The following ACSS3 variants were observed in gnomAD, a reference collection of about 807,000 sequenced individuals.
The protein encoded by ACSS3 is acyl-CoA synthetase short chain family member 3, also known as acyl-CoA synthetase short-chain family member 3, mitochondrial.
ACSS3 carries 64 observed loss-of-function variants against 84.2 expected under a neutral mutation model. The observed-to-expected ratio is 0.76, with a 90% CI of 0.62 to 0.94. The LOEUF (loss-of-function observed/expected upper bound fraction) is 0.94. Ranked by LOEUF, ACSS3 falls within the 40% of genes least tolerant of loss-of-function variation. The probability of loss-of-function intolerance (pLI) is 0.00; values close to 1 mark genes in which losing one functional copy is unlikely to be tolerated. For synonymous variants in ACSS3, 317 were observed against 310.1 expected (o/e 1.02, Z -0.23); for missense variants, 815 against 867.6 (o/e 0.94, Z 0.76).
At position 81,140,412 on chromosome 12, in the gene ACSS3, T is replaced by A. The variant is rs186999806; in HGVS notation, c.780+1147T>A. On this transcript the variant is annotated intron_variant, in intron 4 of 15. Transcript: ENST00000548058. The stretch of plus-strand genomic sequence containing the variant: ...GATTAAATTTTTTTTTTTGCAGAAG[T>A]GAAATTGCAAGACTGCAAAGAATCA... Among the ~76,000 whole-genome samples, 474 of 152,212 alleles carry A rather than the reference T, an allele frequency of 3.1e-3. 2 individuals carry two copies. Among genetic ancestry groups the A allele is most frequent in the Non-Finnish European group, 4.0e-3 (273 of 68,006 alleles).
intron 9 of ACSS3, 32 bp downstream of exon 9, chr12:81,199,476 T>C (rs761495681): frequency 2.5e-6 from 4 of 1,584,720 alleles, no homozygotes; most frequent in South Asian, 1.1e-5. Context: ...ACATAAATAG[T>C]AAAGAAATGT....
rs1351417294 is a variant in ACSS3 at position 81,255,665 on chromosome 12, C to CA, written c.*748dup. ...TGAAACCCTGTAGCTACTGAAAATA[C>CA]AAAAATAAGCCAGGCGTGGTGGCGG... On this transcript the variant is annotated 3_prime_UTR_variant, in exon 16 of 16. Transcript: ENST00000548058. 4.6e-5 allele frequency: 7 copies of CA among 152,064 alleles called. No individual in the cohort carries two copies. The highest frequency in any genetic ancestry group is 1.9e-4 in the East Asian group (1 of 5,170). 9.4% of individuals were successfully genotyped at this position (152,064 alleles called of 1,614,324 possible).
At chr12:81,135,413 T>TA (rs1191516387) in intron 3 of ACSS3, among the ~76,000 whole-genome samples, 19 of 140,198 alleles carry the variant, frequency 1.4e-4, no homozygotes, top group Non-Finnish European at 2.6e-4. Flanking sequence ...ATACATATAA[T>TA]AATATATAAA....
intron 2 of ACSS3, among the ~76,000 whole-genome samples, chr12:81,134,488 A>G (rs1393911841): frequency 6.6e-6 from 1 of 152,110 alleles, no homozygotes; most frequent in East Asian, 1.9e-4. Flanking sequence ...TCTTTCTTTT[A>G]TCAGTGTTAC....
chr12:81,234,809 T>G (rs1006420352), intron 13 of ACSS3, among the ~76,000 whole-genome samples: 1 of 151,400 alleles, frequency 6.6e-6, no homozygotes, highest in African/African-American at 2.4e-5. Context: ...GTCCTTTATC[T>G]GATATGCAGT....
intron 5 of ACSS3, among the ~76,000 whole-genome samples, chr12:81,144,077 G>A (rs902692663): frequency 3.3e-5 from 5 of 152,226 alleles, no homozygotes; most frequent in Non-Finnish European, 2.9e-5. Flanking sequence ...CTTTATTACT[G>A]TTAGATTGCT....
chr12:81,234,393 T>C (rs1409139659), intron 13 of ACSS3, among the ~76,000 whole-genome samples: 2 of 151,470 alleles, frequency 1.3e-5, no homozygotes, highest in African/African-American at 4.8e-5. Flanking sequence ...AAAAATATTT[T>C]ATTTCTCTAG....
chr12:81,204,716 C>CTT (rs2032270489), intron 9 of ACSS3, among the ~76,000 whole-genome samples: 1 of 152,108 alleles, frequency 6.6e-6, no homozygotes, highest in South Asian at 2.1e-4. Flanking sequence ...TACCTGTGTA[C>CTT]TTACCATCAG....
At chr12:81,172,298 T>C (rs1365424127) in intron 7 of ACSS3, among the ~76,000 whole-genome samples, 1 of 144,658 alleles carries the variant, frequency 6.9e-6, no homozygotes, top group African/African-American at 2.6e-5. Context: ...ATCCATGCCC[T>C]TTTTTTTAGT....
rs756241485 is a variant in ACSS3, at chr12:81,259,489, G to A, written c.*4567G>A. 23 of 721,530 alleles carry A rather than the reference G, an allele frequency of 3.2e-5. No individual in the cohort carries two copies. The highest frequency in any genetic ancestry group is 5.4e-5 in the Non-Finnish European group (23 of 422,130). 44.7% of individuals were successfully genotyped at this position (721,530 alleles called of 1,614,324 possible). A position where few individuals can be genotyped will look rare whatever the true frequency, so the allele number is the denominator to read the frequency against. On this transcript the variant is annotated 3_prime_UTR_variant, in exon 16 of 16. Coordinates refer to ENST00000548058, the MANE Select transcript of ACSS3 (RefSeq NM_024560.4). Reference sequence around the variant, plus strand: ...TGACTTAAGCATTTTATTACAATTTGTAGTAAACTAATCAAATGTAATATC... The same window carrying A: ...TGACTTAAGCATTTTATTACAATTTATAGTAAACTAATCAAATGTAATATC...
At chr12:81,191,815 A>G (rs1192629252) in intron 8 of ACSS3, among the ~76,000 whole-genome samples, 3 of 152,018 alleles carry the variant, frequency 2.0e-5, no homozygotes, top group Non-Finnish European at 4.4e-5. Context: ...TTGCAGTTAG[A>G]TGATTTTATT....
At chr12:81,152,529 A>G (rs1886662902) in intron 7 of ACSS3, among the ~76,000 whole-genome samples, 1 of 152,170 alleles carries the variant, frequency 6.6e-6, no homozygotes, top group Non-Finnish European at 1.5e-5. Flanking sequence ...TCTGTGTATA[A>G]GACATAGGAA....
chr12:81,198,157 G>A (rs1442730660), intron 8 of ACSS3, among the ~76,000 whole-genome samples: 4 of 152,124 alleles, frequency 2.6e-5, no homozygotes, highest in Non-Finnish European at 5.9e-5. Flanking sequence ...TCAAACTGGT[G>A]TTAATTTTGC....
At chr12:81,223,189 T>G (rs2033165664) in intron 11 of ACSS3, among the ~76,000 whole-genome samples, 1 of 151,964 alleles carries the variant, frequency 6.6e-6, no homozygotes, top group Admixed American at 6.6e-5. Flanking sequence ...TGGACAAACG[T>G]TTTCCTCTGA....
chr12:81,099,432 G>C (rs1028053623), intron 1 of ACSS3, among the ~76,000 whole-genome samples: 1 of 152,164 alleles, frequency 6.6e-6, no homozygotes, highest in Admixed American at 6.6e-5. Context: ...TGAGAACACA[G>C]ATAAAGTTGC....
At position 81,257,062 on chromosome 12, in the gene ACSS3, T is replaced by A. The variant is rs1336743847; in HGVS notation, c.*2140T>A. 6.6e-6 allele frequency: 1 copy of A among 152,164 alleles called. No homozygotes were observed. The highest frequency in any genetic ancestry group is 1.5e-5 in the Non-Finnish European group (1 of 68,034). 9.4% of individuals were successfully genotyped at this position (152,164 alleles called of 1,614,324 possible). On this transcript the variant is annotated 3_prime_UTR_variant, in exon 16 of 16. Coordinates refer to ENST00000548058, the MANE Select transcript of ACSS3 (RefSeq NM_024560.4). ...TTATTTACCTGAATGTGTATCATTG[T>A]TCATTTGCAAGGTTTAAGCTCAGGC...
chr12:81,221,873 C>T (rs2033121365), intron 11 of ACSS3, among the ~76,000 whole-genome samples: 1 of 152,002 alleles, frequency 6.6e-6, no homozygotes, highest in Admixed American at 6.6e-5. Context: ...TTTATGTAAC[C>T]TCCTAACTTT....
intron 7 of ACSS3, among the ~76,000 whole-genome samples, chr12:81,153,260 T>C (rs1190941414): frequency 2.6e-5 from 4 of 151,798 alleles, no homozygotes; most frequent in Non-Finnish European, 5.9e-5. Flanking sequence ...ATGCAAAAAA[T>C]AGCCAGACCT....
chr12:81,128,980 C>T (rs1779777672), intron 2 of ACSS3, among the ~76,000 whole-genome samples: 1 of 152,118 alleles, frequency 6.6e-6, no homozygotes, highest in African/African-American at 2.4e-5. Context: ...ACCAGAGTGA[C>T]ATTTAGCCCT....
Sources: allele counts gnomAD v4.1 joint callset (sites outside exome capture counted in the v4.1 genomes callset), GRCh38; gene constraint gnomAD v4.1.1; transcripts MANE v1.5; gene names NCBI Gene and HGNC (gene_info 2026-07-23, HGNC 2026-07-21).